CLEC16A: variants seen among roughly 807,000 people sequenced by gnomAD.
CLEC16A encodes protein CLEC16A.
In CLEC16A, 51 loss-of-function variants were observed where a neutral mutation model predicts 109.5. That is an observed-to-expected ratio of 0.47 (90% CI 0.37 to 0.59). The LOEUF (loss-of-function observed/expected upper bound fraction) is 0.59. CLEC16A is among the 20% of genes least tolerant of loss of function. The probability of loss-of-function intolerance (pLI) is 0.00; values close to 1 mark genes in which losing one functional copy is unlikely to be tolerated. For missense variants in CLEC16A, 1,339 were observed against 1,394.0 expected (o/e 0.96, Z 0.63); for synonymous variants, 673 against 564.2 (o/e 1.19, Z -2.73).
At chr16:11,169,678 A>G (rs2068423454) in intron 23 of CLEC16A, among the ~76,000 whole-genome samples, 1 of 152,218 alleles carries the variant, frequency 6.6e-6, no homozygotes, top group Admixed American at 6.5e-5. Flanking sequence ...CCAGTTTTCC[A>G]TAGCTCTAGC....
intron 18 of CLEC16A, among the ~76,000 whole-genome samples, chr16:11,059,330 A>T (rs1461108522): frequency 2.6e-5 from 4 of 152,332 alleles, no homozygotes; most frequent in Non-Finnish European, 5.9e-5. Flanking sequence ...TACCACCACC[A>T]TCATCATCAT....
At chr16:11,073,523 C>T in intron 19 of CLEC16A, among the ~76,000 whole-genome samples, 1 of 152,198 alleles carries the variant, frequency 6.6e-6, no homozygotes, top group East Asian at 1.9e-4. Flanking sequence ...GGCGCCTAAC[C>T]CGCCATCATG....
At chr16:11,072,535 A>T (rs966105256) in intron 19 of CLEC16A, among the ~76,000 whole-genome samples, 1 of 152,222 alleles carries the variant, frequency 6.6e-6, no homozygotes, top group African/African-American at 2.4e-5. Context: ...GATGGGGAGT[A>T]TAATGTTTAG....
intron 13 of CLEC16A, among the ~76,000 whole-genome samples, chr16:11,029,909 A>G (rs1002984752): frequency 6.6e-6 from 1 of 152,130 alleles, no homozygotes; most frequent in Non-Finnish European, 1.5e-5. Context: ...CTCCCCAAGT[A>G]ACACCAGTCT....
Position 11,002,448 on chromosome 16 carries a change from A to G in CLEC16A, c.1072-626A>G, listed in dbSNP as rs74516555. On this transcript the variant is annotated intron_variant, in intron 10 of 23. Transcript: ENST00000409790. ...GATGATGTTAATAATGGGCATAATA[A>G]TAGATCTGGAGGTGGCATTTGTTTT... 4.5e-3 allele frequency among the ~76,000 whole-genome samples: 685 copies of G among 152,348 alleles called. 5 individuals carry two copies. The highest frequency in any genetic ancestry group is 0.031 in the Middle Eastern group (9 of 294).
intron 13 of CLEC16A, chr16:11,027,729 G>A (rs557153426): frequency 6.4e-7 from 1 of 1,573,694 alleles, no homozygotes; most frequent in South Asian, 1.1e-5. Flanking sequence ...CTATCGGGGT[G>A]AACGCATCAA....
chr16:11,008,947 C>T (rs964227304), intron 11 of CLEC16A, among the ~76,000 whole-genome samples: 4 of 152,016 alleles, frequency 2.6e-5, no homozygotes, highest in South Asian at 2.1e-4. Context: ...TGCAGTGAGC[C>T]GAGATCGCGC....
Position 11,022,647 on chromosome 16 carries a change from C to T in CLEC16A, c.1437-2174C>T, listed in dbSNP as rs564489434. 3.6e-3 allele frequency among the ~76,000 whole-genome samples: 553 copies of T among 152,062 alleles called. 3 individuals are homozygous for T. The highest frequency in any genetic ancestry group is 6.5e-3 in the Non-Finnish European group (445 of 67,982). ...GGGTGCAGTGGCTCATGCCTGTAAT[C>T]GCAGCACTTTGGGAGGCCAAGGTGG... is the stretch of plus-strand genomic sequence containing the variant. On this transcript the variant is annotated intron_variant, in intron 12 of 23. Coordinates refer to ENST00000409790, the MANE Select transcript of CLEC16A (RefSeq NM_015226.3).
intron 22 of CLEC16A, chr16:11,157,197 C>G (rs1213543060): frequency 4.8e-6 from 6 of 1,249,484 alleles, no homozygotes; most frequent in Non-Finnish European, 5.2e-6. Flanking sequence ...CGTTGAAAAG[C>G]AATCAGAAAT....
At chr16:11,102,146 A>T (rs1368765738) in intron 19 of CLEC16A, among the ~76,000 whole-genome samples, 2 of 152,024 alleles carry the variant, frequency 1.3e-5, no homozygotes, top group Admixed American at 6.6e-5. Context: ...CAGAGGGAAA[A>T]ATAGTTTGAG....
chr16:11,027,098 A>G (rs2046449466), intron 13 of CLEC16A: 3 of 1,532,376 alleles, frequency 2.0e-6, no homozygotes, highest in Admixed American at 3.4e-5. Context: ...CTTATCAGGC[A>G]CTCAAAGCCA....
chr16:10,985,616 C>A (rs1405465667), intron 10 of CLEC16A, among the ~76,000 whole-genome samples: 1 of 151,550 alleles, frequency 6.6e-6, no homozygotes, highest in Non-Finnish European at 1.5e-5. Context: ...CTCAGATTGT[C>A]TTACTGTAAG....
intron 19 of CLEC16A, among the ~76,000 whole-genome samples, chr16:11,095,845 A>G (rs907838374): frequency 1.2e-4 from 18 of 150,274 alleles, no homozygotes; most frequent in African/African-American, 3.7e-4. Flanking sequence ...AAAGGGAGCT[A>G]GAAGCGTAGC....
intron 17 of CLEC16A, among the ~76,000 whole-genome samples, chr16:11,050,555 G>T (rs2047884602): frequency 6.6e-6 from 1 of 152,244 alleles, no homozygotes; most frequent in African/African-American, 2.4e-5. Context: ...AAATGTTAGT[G>T]TTCAACAACA....
chr16:11,126,341 T>A (rs2052818795), intron 22 of CLEC16A, 195 bp downstream of exon 22: 2 of 1,473,170 alleles, frequency 1.4e-6, no homozygotes, highest in Non-Finnish European at 1.8e-6. Flanking sequence ...TGGCTTTCCC[T>A]TTAGTGTTTG....
chr16:10,990,273 C>T (rs571068417), intron 10 of CLEC16A, among the ~76,000 whole-genome samples: 15 of 152,274 alleles, frequency 9.9e-5, no homozygotes, highest in East Asian at 5.8e-4. Context: ...TCTTGCCCAC[C>T]GAAGTATTGA....
intron 21 of CLEC16A, among the ~76,000 whole-genome samples, chr16:11,124,831 A>G (rs1389589423): frequency 6.6e-6 from 1 of 152,160 alleles, no homozygotes; most frequent in African/African-American, 2.4e-5. Context: ...TCATGTCTGT[A>G]ATCTCAGCAC....
chr16:11,091,594 C>A (rs1345319658), intron 19 of CLEC16A, among the ~76,000 whole-genome samples: 1 of 152,154 alleles, frequency 6.6e-6, no homozygotes, highest in Non-Finnish European at 1.5e-5. Flanking sequence ...ATGGGTACTC[C>A]GCAGAGTCTG....
At chr16:11,124,155 G>T (rs1248698513) in intron 21 of CLEC16A, among the ~76,000 whole-genome samples, 1 of 152,248 alleles carries the variant, frequency 6.6e-6, no homozygotes, top group Non-Finnish European at 1.5e-5. Flanking sequence ...GAGAAGAGGA[G>T]CTCTCCCTAG....
Sources: allele counts gnomAD v4.1 joint callset (sites outside exome capture counted in the v4.1 genomes callset), GRCh38; gene constraint gnomAD v4.1.1; transcripts MANE v1.5; gene names NCBI Gene and HGNC (gene_info 2026-07-23, HGNC 2026-07-21).